The following GPR89B variants were observed in gnomAD, a reference collection of about 807,000 sequenced individuals.
GPR89B encodes G protein-coupled receptor 89B.
In GPR89B, 25 loss-of-function variants were observed where a neutral mutation model predicts 52.4. That is an observed-to-expected ratio of 0.48 (90% CI 0.35 to 0.67). The LOEUF (loss-of-function observed/expected upper bound fraction) is 0.67, where lower values mean the gene tolerates loss of function less well. Among genes scored for constraint, GPR89B ranks in the 30% least tolerant of loss-of-function variants. GPR89B has a pLI of 0.01. For synonymous variants in GPR89B, 52 were observed against 151.2 expected (o/e 0.34, Z 4.81); for missense variants, 146 against 450.2 (o/e 0.32, Z 6.11).
intron 10 of GPR89B, among the ~76,000 whole-genome samples, chr1:147,971,150 A>G (rs1657431519): frequency 6.7e-6 from 1 of 149,946 alleles, no homozygotes; most frequent in Admixed American, 6.6e-5. Flanking sequence ...CGTTTAGGGA[A>G]GCATGTCTTT....
In GPR89B at chr1:147,936,609, A is replaced by G; in HGVS notation, c.43-18A>G. 4.4e-6 allele frequency: 7 copies of G among 1,607,598 alleles called. No individual in the cohort carries two copies. The highest frequency in any genetic ancestry group is 6.0e-6 in the Non-Finnish European group (7 of 1,174,774). ...AAAAGAAAATATGTATTGACATTCT[A>G]TCTTCTTTCTCCTCCAGATACTATT... On this transcript the variant is annotated intron_variant, in intron 1 of 13. Coordinates refer to ENST00000314163, the MANE Select transcript of GPR89B (RefSeq NM_016334.5).
At chr1:147,937,700 G>A (rs6593846) in intron 2 of GPR89B, among the ~76,000 whole-genome samples, 3 of 151,818 alleles carry the variant, frequency 2.0e-5, no homozygotes, top group Admixed American at 6.6e-5. Flanking sequence ...GCAAGCAGTC[G>A]GACCTTATGG....
intron 10 of GPR89B, among the ~76,000 whole-genome samples, chr1:147,975,647 T>C (rs1657779387): frequency 6.6e-6 from 1 of 152,258 alleles, no homozygotes; most frequent in Admixed American, 6.5e-5. Flanking sequence ...TTTTCGTGTC[T>C]CTATCTCCTG....
intron 12 of GPR89B, among the ~76,000 whole-genome samples, chr1:147,990,806 G>A (rs1377089026): frequency 0.048 from 6,862 of 142,694 alleles, 527 homozygotes; most frequent in African/African-American, 0.16. Flanking sequence ...CCATTGGTCT[G>A]TATCTCTGTT....
At chr1:147,930,332 C>A (rs1327904524) in intron 1 of GPR89B, among the ~76,000 whole-genome samples, 43 of 152,124 alleles carry the variant, frequency 2.8e-4, no homozygotes, top group Admixed American at 2.7e-3. Flanking sequence ...TACCTGACAC[C>A]CTGCCCACAA....
chr1:148,024,071 G>T, the GPR89B span, among the ~76,000 whole-genome samples: 1 of 147,372 alleles, frequency 6.8e-6, no homozygotes, highest in Non-Finnish European at 1.5e-5. Context: ...CTGCTTTGAG[G>T]TCCCAGTATA....
chr1:147,995,661 G>A (rs1659299501), downstream of GPR89B: 1 of 1,609,396 alleles, frequency 6.2e-7, no homozygotes, highest in Non-Finnish European at 8.5e-7. Context: ...GAATCTGGAG[G>A]GGTGTCAAGT....
chr1:147,971,472 T>C, intron 10 of GPR89B, among the ~76,000 whole-genome samples: 1 of 144,106 alleles, frequency 6.9e-6, no homozygotes, highest in East Asian at 2.0e-4. Flanking sequence ...GTCTTTTTTT[T>C]TTTTTTTTTT....
chr1:147,943,549 G>A lies in GPR89B; in HGVS notation c.313+5G>A, dbSNP rs1654724868. Reference sequence around the variant, plus strand: ...TTGTGAGCAATATCCGACTACGTAAGTATTTTACCCTCTCAGTCAGCGTAT... The same window carrying A: ...TTGTGAGCAATATCCGACTACGTAAATATTTTACCCTCTCAGTCAGCGTAT... On this transcript the variant is annotated splice_donor_5th_base_variant and intron_variant, in intron 4 of 13. Transcript: ENST00000314163. The A allele has an allele frequency of 5.0e-6, 8 of 1,613,172 alleles. No individual in the cohort carries two copies. Among genetic ancestry groups the A allele is most frequent in the South Asian group, 2.2e-5 (2 of 91,040 alleles).
At chr1:148,017,867 G>A in the GPR89B span, among the ~76,000 whole-genome samples, 3 of 148,876 alleles carry the variant, frequency 2.0e-5, no homozygotes, top group African/African-American at 7.5e-5. Context: ...GGATAAAAGA[G>A]CATATGCTAA....
chr1:147,960,438 A>G (rs71618953), intron 7 of GPR89B, among the ~76,000 whole-genome samples: 1 of 152,154 alleles, frequency 6.6e-6, no homozygotes, highest in Non-Finnish European at 1.5e-5. Context: ...CCCAACAAAG[A>G]AATGGAAACT....
intron 5 of GPR89B, among the ~76,000 whole-genome samples, chr1:147,950,377 G>C (rs1278161629): frequency 2.0e-5 from 3 of 151,628 alleles, no homozygotes; most frequent in Non-Finnish European, 4.4e-5. Flanking sequence ...AGATGGGATG[G>C]CGGCCGGGAA....
chr1:148,022,167 C>T, the GPR89B span, among the ~76,000 whole-genome samples: 2 of 151,774 alleles, frequency 1.3e-5, no homozygotes, highest in African/African-American at 2.4e-5. Flanking sequence ...TTTACAGTTC[C>T]CGTAAGCCAT....
intron 1 of GPR89B, among the ~76,000 whole-genome samples, chr1:147,932,928 C>T (rs1553247271): frequency 6.6e-6 from 1 of 152,050 alleles, no homozygotes; most frequent in African/African-American, 2.4e-5. Flanking sequence ...CTGACACTTA[C>T]TATAAATTGA....
chr1:148,000,462 A>G, the GPR89B span, among the ~76,000 whole-genome samples: 6 of 152,148 alleles, frequency 3.9e-5, no homozygotes, highest in Admixed American at 2.6e-4. Flanking sequence ...GCTGGGGAGT[A>G]TGGTATAATG....
In GPR89B at chr1:147,989,251, A is replaced by C. The variant is rs1353664795; in HGVS notation, c.1095+730A>C. Reference sequence around the variant, plus strand: ...TTAATGTCATCAATAAGTTCTTGGAAACAGCAGCTTTAAGCAAAACTATAT... The same window carrying C: ...TTAATGTCATCAATAAGTTCTTGGACACAGCAGCTTTAAGCAAAACTATAT... On this transcript the variant is annotated intron_variant, in intron 12 of 13. Transcript: ENST00000314163. Among the ~76,000 whole-genome samples, 33 of 151,864 alleles carry C rather than the reference A, an allele frequency of 2.2e-4. No homozygotes were observed. The East Asian group carries it at 5.8e-3, about 27-fold the overall frequency.
At chr1:148,019,953 TAGG>T in the GPR89B span, among the ~76,000 whole-genome samples, 1 of 151,554 alleles carries the variant, frequency 6.6e-6, no homozygotes, top group Non-Finnish European at 1.5e-5. Flanking sequence ...AAAAGAGGTG[TAGG>T]AGGAGAGAAG....
At chr1:147,950,233 A>G (rs1466959220) in intron 5 of GPR89B, among the ~76,000 whole-genome samples, 1 of 150,222 alleles carries the variant, frequency 6.7e-6, no homozygotes, top group Non-Finnish European at 1.5e-5. Context: ...GGCTGGGCAG[A>G]GACGCTCCTC....
At chr1:147,957,755 T>C (rs1438750533) in intron 7 of GPR89B, among the ~76,000 whole-genome samples, 81 of 152,112 alleles carry the variant, frequency 5.3e-4, no homozygotes, top group Admixed American at 1.7e-3. Context: ...AAAGAAGCCT[T>C]AATGTAAGAG....
Sources: allele counts gnomAD v4.1 joint callset (sites outside exome capture counted in the v4.1 genomes callset), GRCh38; gene constraint gnomAD v4.1.1; transcripts MANE v1.5; gene names NCBI Gene and HGNC (gene_info 2026-07-23, HGNC 2026-07-21).